SPP2: variants seen among roughly 807,000 people sequenced by gnomAD.
SPP2 encodes secreted phosphoprotein 2, also known as secreted phosphoprotein 24.
In SPP2, 34 loss-of-function variants were observed where a neutral mutation model predicts 28.8. The ratio of observed to expected loss-of-function variants is 1.18; its 90% CI spans 0.90 to 1.57. SPP2 has a LOEUF of 1.57. SPP2 is among the 40% of genes most tolerant of loss of function. SPP2 has a pLI of 0.00. For missense variants in SPP2, 269 were observed against 263.9 expected (o/e 1.02, Z -0.13); for synonymous variants, 96 against 89.4 (o/e 1.07, Z -0.42).
intron 2 of SPP2, among the ~76,000 whole-genome samples, chr2:234,055,189 C>T (rs972722729): frequency 6.6e-6 from 1 of 152,088 alleles, no homozygotes; most frequent in African/African-American, 2.4e-5. Context: ...AAGGAATTGC[C>T]TCATGCAATT....
chr2:234,070,619 G>A lies in SPP2; in HGVS notation c.*10+596G>A, dbSNP rs546639393. 4.7e-4 allele frequency among the ~76,000 whole-genome samples: 72 copies of A among 152,060 alleles called. 4 individuals are homozygous for A. The South Asian group carries it at 0.014, about 29-fold the overall frequency. On this transcript the variant is annotated intron_variant, in intron 7 of 7. Coordinates refer to ENST00000168148, the MANE Select transcript of SPP2 (RefSeq NM_006944.3). ...TGGGATTACAGGCTCCTGCCACCAC[G>A]CTCAGCTAATATTTGTATTTTTAGT...
intron 7 of SPP2, among the ~76,000 whole-genome samples, chr2:234,073,591 C>G (rs1690837350): frequency 6.6e-6 from 1 of 152,084 alleles, no homozygotes; most frequent in South Asian, 2.1e-4. Context: ...ATTTATTGCT[C>G]TAAGGTAGGA....
At chr2:234,062,870 C>T (rs886854980) in intron 4 of SPP2, among the ~76,000 whole-genome samples, 2 of 152,188 alleles carry the variant, frequency 1.3e-5, no homozygotes, top group African/African-American at 4.8e-5. Context: ...GTGAAGACCA[C>T]TCTCTTTTCT....
chr2:234,053,146 G>A (rs759710519), intron 2 of SPP2, among the ~76,000 whole-genome samples: 6 of 148,800 alleles, frequency 4.0e-5, no homozygotes, highest in Non-Finnish European at 8.9e-5. Flanking sequence ...TGAAAAAGAA[G>A]AATAACAAGG....
At chr2:234,059,407 C>T (rs2239536) in intron 3 of SPP2, among the ~76,000 whole-genome samples, 51,322 of 151,998 alleles carry the variant, frequency 0.34, 9,501 homozygotes, top group African/African-American at 0.48. Context: ...GGCATGTTCG[C>T]TTTCGTGTCT....
intron 2 of SPP2, among the ~76,000 whole-genome samples, chr2:234,051,668 C>A (rs1238785816): frequency 1.3e-5 from 2 of 152,236 alleles, no homozygotes; most frequent in African/African-American, 2.4e-5. Context: ...CATCTCCCTT[C>A]TTCCTGTTCC....
intron 6 of SPP2, 26 bp from the exon 7 acceptor site, chr2:234,069,902 C>G: frequency 6.4e-7 from 1 of 1,562,234 alleles, no homozygotes; most frequent in Non-Finnish European, 8.8e-7. Flanking sequence ...ACTGACAGAG[C>G]CTATGCTTCC....
intron 3 of SPP2, 129 bp downstream of exon 3, chr2:234,059,087 A>T (rs1284413758): frequency 8.9e-7 from 1 of 1,123,446 alleles, no homozygotes; most frequent in Non-Finnish European, 1.2e-6. Flanking sequence ...ACATGTGGAC[A>T]TTGTGTCCCC....
Position 234,058,948 on chromosome 2 carries a change from A to G in SPP2, c.323A>G (p.Asp108Gly), listed in dbSNP as rs1185521611. The G allele has an allele frequency of 6.2e-7, 1 of 1,613,668 alleles. No homozygotes were observed. Among genetic ancestry groups the G allele is most frequent in the Non-Finnish European group, 8.5e-7 (1 of 1,179,814 alleles). Residue 108 changes from aspartate to glycine, a missense_variant, in exon 3 of 8, where the codon GAC becomes GGC. By Grantham distance (94) the Asp-to-Gly change is moderately conservative. Transcript: ENST00000168148. ...CCCGCTACATGTGCCTTCCAGAGGG[A>G]CTACTATGTGGTAAGTGGGAGGAGA... The part of the protein sequence containing the change: ...EDPATCAFQR[D>G]YYVSTAVCRS...
At chr2:234,064,707 T>C (rs1693784028) in intron 4 of SPP2, among the ~76,000 whole-genome samples, 1 of 152,176 alleles carries the variant, frequency 6.6e-6, no homozygotes, top group Non-Finnish European at 1.5e-5. Context: ...TAACAGTTGT[T>C]CTCTATTCCT....
intron 6 of SPP2, 118 bp from the exon 7 acceptor site, chr2:234,069,810 A>G (rs538900306): frequency 2.7e-6 from 2 of 743,790 alleles, no homozygotes; most frequent in East Asian, 5.4e-5. Flanking sequence ...TTCTCATGGC[A>G]GATGGGTTCA....
intron 2 of SPP2, among the ~76,000 whole-genome samples, chr2:234,052,352 G>T (rs954959348): frequency 1.3e-5 from 2 of 152,132 alleles, no homozygotes. Flanking sequence ...TGTGGAATCG[G>T]GGTCTTTTTG....
At chr2:234,071,456 C>T (rs1348476188) in intron 7 of SPP2, among the ~76,000 whole-genome samples, 1 of 152,154 alleles carries the variant, frequency 6.6e-6, no homozygotes, top group Non-Finnish European at 1.5e-5. Context: ...TAGAGTTTCA[C>T]ATGAGTATAA....
chr2:234,064,232 TCTC>T (rs914947559), intron 4 of SPP2, among the ~76,000 whole-genome samples: 2 of 90,158 alleles, frequency 2.2e-5, no homozygotes, highest in East Asian at 3.1e-4. Context: ...TCCTCCATCT[TCTC>T]CTCCTTCCTC....
chr2:234,051,752 A>G (rs1009328186), intron 2 of SPP2, among the ~76,000 whole-genome samples: 15 of 152,164 alleles, frequency 9.9e-5, no homozygotes, highest in Admixed American at 7.2e-4. Context: ...ATTTTCAAGC[A>G]AATTTAGGTT....
chr2:234,067,386 A>G, intron 6 of SPP2, 112 bp downstream of exon 6: 1 of 964,336 alleles, frequency 1.0e-6, no homozygotes, highest in Non-Finnish European at 1.6e-6. Context: ...AATCTCTGAA[A>G]TACAAAATAT....
intron 1 of SPP2, 31 bp from the exon 2 acceptor site, chr2:234,050,940 C>T (rs1203882486): frequency 1.2e-6 from 2 of 1,613,978 alleles, no homozygotes; most frequent in Non-Finnish European, 1.7e-6. Context: ...TGTGTCTTGT[C>T]TCACTGTGCC....
chr2:234,054,120 G>T (rs1341007107), intron 2 of SPP2, among the ~76,000 whole-genome samples: 1 of 152,210 alleles, frequency 6.6e-6, no homozygotes, highest in African/African-American at 2.4e-5. Flanking sequence ...CCAGTGACAA[G>T]AAGTTCCCAC....
chr2:234,060,425 G>A lies in SPP2; in HGVS notation c.390G>A (p.Val130=). Residue 130 remains valine (V), a synonymous_variant, in exon 4 of 8, where the codon GTG becomes GTA. Transcript: ENST00000168148. ...TATCTGCCCAGCAGGTGCAGGGCGT[G>A]CATGCTCGCTGCAGCTGGTCCTCCT... ...VKVSAQQVQG[V]HARCSWSSST... is the part of the protein sequence containing the mutation. 6.2e-7 allele frequency: 1 copy of A among 1,613,746 alleles called. No individual in the cohort carries two copies. Among genetic ancestry groups the A allele is most frequent in the Non-Finnish European group, 8.5e-7 (1 of 1,179,884 alleles).
Sources: allele counts gnomAD v4.1 joint callset (sites outside exome capture counted in the v4.1 genomes callset), GRCh38; gene constraint gnomAD v4.1.1; transcripts MANE v1.5; gene names NCBI Gene and HGNC (gene_info 2026-07-23, HGNC 2026-07-21).